Variants in NFS1 observed in about 807,000 individuals in gnomAD.
NFS1 encodes cysteine desulfurase.
Under a neutral mutation model 57.3 loss-of-function variants are expected in NFS1, and 26 were observed. That is an observed-to-expected ratio of 0.45 (90% CI 0.33 to 0.63). The LOEUF (loss-of-function observed/expected upper bound fraction) is 0.63. Among genes scored for constraint, NFS1 ranks in the 20% least tolerant of loss-of-function variants. The pLI is 0.02. For missense variants in NFS1, 505 were observed against 605.8 expected (o/e 0.83, Z 1.75); for synonymous variants, 209 against 216.3 (o/e 0.97, Z 0.30).
chr20:35,692,527 TAAAAAAAAAAAAAAAA>T (rs61052129), intron 4 of NFS1, among the ~76,000 whole-genome samples: 107 of 42,750 alleles, frequency 2.5e-3, no homozygotes, highest in African/African-American at 7.7e-3. Flanking sequence ...TCATCTATAC[TAAAAAAAAAAAAAAAA>T]AAAAAAAAAA....
Position 35,698,494 on chromosome 20 carries a change from G to A in NFS1, c.194C>T (p.Ala65Val). 3 of 1,610,962 alleles carry A rather than the reference G, an allele frequency of 1.9e-6. No homozygotes were observed. The highest frequency in any genetic ancestry group is 2.5e-6 in the Non-Finnish European group (3 of 1,178,642). ...VLRPLYMDVQATTPLDPRVLD... is the reference protein window; with the variant it reads ...VLRPLYMDVQVTTPLDPRVLD... ...CTTCATCCTTACCAGAGGAGTTGTA[G>A]CTTGCACATCCATATAGAGAGGTCG... The change falls in exon 2 of 13, where the codon GCT becomes GTT. Residue 65 changes from alanine to valine, a missense_variant. Transcript: ENST00000374092.
intron 6 of NFS1, among the ~76,000 whole-genome samples, chr20:35,681,635 T>C (rs757897576): frequency 2.0e-5 from 3 of 151,952 alleles, no homozygotes; most frequent in Non-Finnish European, 4.4e-5. Context: ...AGTGAGGAGG[T>C]TGCAGGGAGC....
At chr20:35,678,271 C>T (rs990970454) in intron 7 of NFS1, among the ~76,000 whole-genome samples, 8 of 152,084 alleles carry the variant, frequency 5.3e-5, no homozygotes, top group African/African-American at 1.9e-4. Flanking sequence ...AGGAGAATGT[C>T]GTGAACCCTG....
intron 5 of NFS1, among the ~76,000 whole-genome samples, chr20:35,687,850 T>A (rs1392473136): frequency 6.6e-6 from 1 of 152,118 alleles, no homozygotes; most frequent in African/African-American, 2.4e-5. Flanking sequence ...GTAATCCCAG[T>A]GCTTTGGGAG....
chr20:35,699,012 T>C lies in NFS1; in HGVS notation c.97+180A>G. On this transcript the variant is annotated intron_variant, in intron 1 of 12. Coordinates refer to ENST00000374092, the MANE Select transcript of NFS1 (RefSeq NM_021100.5). The surrounding 1 kb of genome is among the most constrained non-coding windows in gnomAD (Gnocchi z 4.4). ...GGCCTGTCGCGCAGGGTGCGAGGGG[T>C]GGTGCGCCGGGGTCAACCGTTCGGG... is the stretch of plus-strand genomic sequence containing the variant. The C allele has an allele frequency of 7.6e-7, 1 of 1,310,948 alleles. No individual in the cohort carries two copies. The highest frequency in any genetic ancestry group is 9.7e-7 in the Non-Finnish European group (1 of 1,032,916). 81.2% of individuals were successfully genotyped at this position (1,310,948 alleles called of 1,614,324 possible).
chr20:35,699,038 G>A lies in NFS1; in HGVS notation c.97+154C>T, dbSNP rs1223226986. The A allele has an allele frequency of 5.3e-6, 7 of 1,321,184 alleles. No homozygotes were observed. Among genetic ancestry groups the A allele is most frequent in the Admixed American group, 3.8e-5 (1 of 26,184 alleles). The allele number at this position is 1,321,184 out of a possible 1,614,324, so 81.8% of individuals were successfully genotyped here. A position where few individuals can be genotyped will look rare whatever the true frequency, so the allele number is the denominator to read the frequency against. ...GGTGCGCCGGGGTCAACCGTTCGGG[G>A]ACCCGCCTAAGAAAGTTTGAGGGAT... is the stretch of plus-strand genomic sequence containing the variant. On this transcript the variant is annotated intron_variant, in intron 1 of 12. Coordinates refer to ENST00000374092, the MANE Select transcript of NFS1 (RefSeq NM_021100.5). The surrounding 1 kb of genome is among the most constrained non-coding windows in gnomAD (Gnocchi z 4.4).
chr20:35,696,938 C>G (rs949035090), intron 3 of NFS1, among the ~76,000 whole-genome samples: 3 of 152,074 alleles, frequency 2.0e-5, no homozygotes, highest in Non-Finnish European at 4.4e-5. Flanking sequence ...GAAACCCCGT[C>G]TCTACTAAAA....
intron 5 of NFS1, chr20:35,682,687 G>A (rs1240977833): frequency 1.3e-5 from 2 of 152,376 alleles, no homozygotes; most frequent in Non-Finnish European, 2.9e-5. Flanking sequence ...CACTTCGGAG[G>A]TTGAGGCAGG....
At chr20:35,695,524 A>G (rs1296100631) in intron 4 of NFS1, among the ~76,000 whole-genome samples, 1 of 152,234 alleles carries the variant, frequency 6.6e-6, no homozygotes, top group East Asian at 1.9e-4. Flanking sequence ...TCCTTGCATT[A>G]GCACCAAAGA....
At chr20:35,697,898 A>C in intron 2 of NFS1, 98 bp from the exon 3 acceptor site, 11 of 740,124 alleles carry the variant, frequency 1.5e-5, no homozygotes, top group Non-Finnish European at 2.3e-5. Flanking sequence ...AGACACTCTC[A>C]ACCCCTCAGG....
intron 4 of NFS1, among the ~76,000 whole-genome samples, chr20:35,695,732 T>C (rs2035121227): frequency 6.6e-6 from 1 of 151,982 alleles, no homozygotes; most frequent in Non-Finnish European, 1.5e-5. Context: ...ATATAACTTG[T>C]TGTTACTAGA....
intron 5 of NFS1, among the ~76,000 whole-genome samples, chr20:35,688,190 A>C (rs2034977101): frequency 6.6e-6 from 1 of 152,162 alleles, no homozygotes; most frequent in Non-Finnish European, 1.5e-5. Context: ...CAGAGGTTGC[A>C]ACGAGCCAAG....
intron 4 of NFS1, among the ~76,000 whole-genome samples, chr20:35,693,299 T>A (rs2035075407): frequency 6.6e-6 from 1 of 151,982 alleles, no homozygotes; most frequent in Admixed American, 6.6e-5. Context: ...TGTTTCACCA[T>A]TTTGCCCAGG....
intron 7 of NFS1, among the ~76,000 whole-genome samples, chr20:35,677,172 C>T (rs2034767402): frequency 2.0e-5 from 3 of 152,170 alleles, no homozygotes; most frequent in African/African-American, 7.2e-5. Context: ...GCTGTCTGTG[C>T]ACTTTTTTGT....
At position 35,668,204 on chromosome 20, in the gene NFS1, C is replaced by T. The variant is rs2146406144; in HGVS notation, c.*1418G>A. On this transcript the variant is annotated 3_prime_UTR_variant, in exon 13 of 13. Coordinates refer to ENST00000374092, the MANE Select transcript of NFS1 (RefSeq NM_021100.5). ...TCTATAATTTCATCTCCTCCTTCCA[C>T]TGTCCATCTACATTTACCAAACTTT... is the stretch of plus-strand genomic sequence containing the variant. The T allele has an allele frequency of 6.6e-6, 1 of 152,354 alleles. No homozygotes were observed. Among genetic ancestry groups the T allele is most frequent in the East Asian group, 1.9e-4 (1 of 5,194 alleles). The allele number at this position is 152,354 out of a possible 1,614,324, so 9.4% of individuals were successfully genotyped here. A position where few individuals can be genotyped will look rare whatever the true frequency, so the allele number is the denominator to read the frequency against.
chr20:35,694,279 G>C (rs754537651), intron 4 of NFS1, among the ~76,000 whole-genome samples: 1 of 151,870 alleles, frequency 6.6e-6, no homozygotes, highest in Non-Finnish European at 1.5e-5. Context: ...CAAGTAGCTA[G>C]GACTACAGGG....
chr20:35,697,440 TC>T (rs1420482986), intron 3 of NFS1, among the ~76,000 whole-genome samples: 1 of 152,100 alleles, frequency 6.6e-6, no homozygotes, highest in Admixed American at 6.5e-5. Context: ...ACTACCACAA[TC>T]TCTGTTTTAA....
intron 2 of NFS1, among the ~76,000 whole-genome samples, 183 bp downstream of exon 2, chr20:35,698,298 T>C (rs1361719295): frequency 2.6e-5 from 4 of 152,262 alleles, no homozygotes; most frequent in African/African-American, 4.8e-5. Context: ...CCAAGGTCAA[T>C]TGCTAGTGAG....
At chr20:35,692,526 C>CCAA (rs1568965170) in intron 4 of NFS1, among the ~76,000 whole-genome samples, 16 of 60,406 alleles carry the variant, frequency 2.6e-4, no homozygotes, top group African/African-American at 1.2e-3. Flanking sequence ...ATCATCTATA[C>CCAA]TAAAAAAAAA....
Sources: allele counts gnomAD v4.1 joint callset (sites outside exome capture counted in the v4.1 genomes callset), GRCh38; gene constraint gnomAD v4.1.1; non-coding constraint Gnocchi (gnomAD v3.1); transcripts MANE v1.5; gene names NCBI Gene and HGNC (gene_info 2026-07-23, HGNC 2026-07-21).